The following PDZD2 variants were observed in gnomAD, a reference collection of about 807,000 sequenced individuals.
The protein encoded by PDZD2 is PDZ domain-containing protein 2.
Under a neutral mutation model 220.7 loss-of-function variants are expected in PDZD2, and 90 were observed. The observed-to-expected ratio is 0.41, with a 90% CI of 0.34 to 0.49. The LOEUF is 0.49. PDZD2 is among the 20% of genes least tolerant of loss of function. PDZD2 has a pLI of 0.28. For missense variants in PDZD2, 3,174 were observed against 3,608.5 expected (o/e 0.88, Z 3.08); for synonymous variants, 1,375 against 1,450.5 (o/e 0.95, Z 1.18).
At chr5:32,010,207 G>C (rs1753182581) in intron 5 of PDZD2, 123 bp from the exon 6 acceptor site, 1 of 663,132 alleles carries the variant, frequency 1.5e-6, no homozygotes, top group African/African-American at 1.8e-5. Flanking sequence ...TGCAGACACA[G>C]AACATTTACT....
At chr5:31,735,012 C>G (rs754876870) in intron 1 of PDZD2, among the ~76,000 whole-genome samples, 3 of 152,120 alleles carry the variant, frequency 2.0e-5, no homozygotes, top group Non-Finnish European at 4.4e-5. Context: ...GTTGCTATCC[C>G]TTGGCTTCAA....
At chr5:31,946,441 C>T (rs1309333925) in intron 2 of PDZD2, among the ~76,000 whole-genome samples, 1 of 152,144 alleles carries the variant, frequency 6.6e-6, no homozygotes, top group Non-Finnish European at 1.5e-5. Flanking sequence ...GGCCCTCCGG[C>T]GGGTCTGGGT....
intron 7 of PDZD2, among the ~76,000 whole-genome samples, chr5:32,041,575 A>C (rs1391637639): frequency 6.6e-6 from 1 of 152,134 alleles, no homozygotes; most frequent in Non-Finnish European, 1.5e-5. Context: ...GTGCTGTGTC[A>C]ACTCAGGGTT....
At chr5:32,065,203 A>G (rs1740109542) in intron 14 of PDZD2, among the ~76,000 whole-genome samples, 1 of 151,232 alleles carries the variant, frequency 6.6e-6, no homozygotes, top group Non-Finnish European at 1.5e-5. Flanking sequence ...AGTGCTGAGG[A>G]AGGAGAAATC....
intron 2 of PDZD2, among the ~76,000 whole-genome samples, chr5:31,956,758 CAAAAAAAAAAAAAA>C (rs70957986): frequency 2.7e-5 from 2 of 73,682 alleles, no homozygotes; most frequent in African/African-American, 5.7e-5. Flanking sequence ...GACTCCATCT[CAAAAAAAAAAAAAA>C]AAAAAAAAAA....
At chr5:31,765,379 C>T (rs1352854214) in intron 1 of PDZD2, among the ~76,000 whole-genome samples, 1 of 152,152 alleles carries the variant, frequency 6.6e-6, no homozygotes, top group Non-Finnish European at 1.5e-5. Context: ...AACTTGAAGC[C>T]CAAAAGCTAC....
intron 1 of PDZD2, among the ~76,000 whole-genome samples, chr5:31,652,151 G>GTTTA (rs1745378562): frequency 1.2e-5 from 1 of 85,158 alleles, no homozygotes; most frequent in African/African-American, 4.1e-5. Context: ...TTTGTTTTTT[G>GTTTA]TTTGTTTGTT....
intron 1 of PDZD2, among the ~76,000 whole-genome samples, chr5:31,645,108 A>C (rs1010507414): frequency 6.6e-6 from 1 of 152,144 alleles, no homozygotes; most frequent in East Asian, 1.9e-4. Context: ...AAAAATCACA[A>C]ATTCTTAAGG....
intron 2 of PDZD2, among the ~76,000 whole-genome samples, chr5:31,828,790 C>CAT (rs2150265626): frequency 6.6e-6 from 1 of 152,352 alleles, no homozygotes; most frequent in South Asian, 2.1e-4. Context: ...CATGAGCCAC[C>CAT]ATGCCCAGCT....
At chr5:31,857,367 G>A (rs961136462) in intron 2 of PDZD2, among the ~76,000 whole-genome samples, 2 of 152,074 alleles carry the variant, frequency 1.3e-5, no homozygotes, top group Non-Finnish European at 2.9e-5. Context: ...GTAGCATCCC[G>A]TGTGTTTTAG....
At chr5:31,762,635 G>A (rs1036226031) in intron 1 of PDZD2, among the ~76,000 whole-genome samples, 13 of 152,216 alleles carry the variant, frequency 8.5e-5, no homozygotes, top group Non-Finnish European at 1.5e-4. Context: ...TCCCTTCAGT[G>A]TGACTGTTTG....
intron 21 of PDZD2, among the ~76,000 whole-genome samples, chr5:32,096,829 ATTT>A (rs71831480): frequency 2.1e-5 from 2 of 96,828 alleles, no homozygotes; most frequent in Admixed American, 1.4e-4. Flanking sequence ...ATGTACTATG[ATTT>A]TTTTTTTTTT....
At chr5:31,941,303 T>G (rs985699545) in intron 2 of PDZD2, among the ~76,000 whole-genome samples, 25 of 152,208 alleles carry the variant, frequency 1.6e-4, no homozygotes, top group Non-Finnish European at 7.3e-5. Context: ...CACTTTGACT[T>G]CAGTTCCCAG....
At chr5:32,059,917 G>A (rs764780649) in intron 13 of PDZD2, among the ~76,000 whole-genome samples, 19 of 152,284 alleles carry the variant, frequency 1.2e-4, no homozygotes, top group Non-Finnish European at 2.1e-4. Flanking sequence ...TAACATGGGC[G>A]TTCTGTTTAC....
intron 6 of PDZD2, among the ~76,000 whole-genome samples, chr5:32,022,834 AC>A (rs1050529210): frequency 1.3e-5 from 2 of 152,132 alleles, no homozygotes; most frequent in African/African-American, 2.4e-5. Context: ...AAGGAAAGTG[AC>A]TCACTGATGG....
intron 1 of PDZD2, among the ~76,000 whole-genome samples, chr5:31,749,769 CT>C (rs1003108817): frequency 1.3e-5 from 2 of 152,202 alleles, no homozygotes; most frequent in African/African-American, 4.8e-5. Context: ...CTCAGCTGCA[CT>C]CCATTATGCT....
intron 1 of PDZD2, among the ~76,000 whole-genome samples, chr5:31,698,413 G>A (rs1291937859): frequency 6.9e-6 from 1 of 144,598 alleles, no homozygotes; most frequent in African/African-American, 2.6e-5. Flanking sequence ...GGTTAACACG[G>A]TGAAACCCCA....
Position 32,108,550 on chromosome 5 carries a change from C to T in PDZD2, c.*415C>T, listed in dbSNP as rs909893718. 1.3e-5 allele frequency: 2 copies of T among 153,334 alleles called. No individual in the cohort carries two copies. Among genetic ancestry groups the T allele is most frequent in the Non-Finnish European group, 2.9e-5 (2 of 69,144 alleles). The allele number at this position is 153,334 out of a possible 1,614,324, so 9.5% of individuals were successfully genotyped here. On this transcript the variant is annotated 3_prime_UTR_variant, in exon 25 of 25. Coordinates refer to ENST00000438447, the MANE Select transcript of PDZD2 (RefSeq NM_178140.4). Reference sequence around the variant, plus strand: ...TCTGAGGGGGACACAAATGTCACACCTAAGAGGACAATCAATCATTTTGTA... The same window carrying T: ...TCTGAGGGGGACACAAATGTCACACTTAAGAGGACAATCAATCATTTTGTA...
intron 2 of PDZD2, among the ~76,000 whole-genome samples, chr5:31,841,243 C>T (rs932782843): frequency 6.6e-6 from 1 of 152,094 alleles, no homozygotes; most frequent in Non-Finnish European, 1.5e-5. Context: ...ACACACACAT[C>T]TACAAGAATG....
Sources: allele counts gnomAD v4.1 joint callset (sites outside exome capture counted in the v4.1 genomes callset), GRCh38; gene constraint gnomAD v4.1.1; transcripts MANE v1.5; gene names NCBI Gene and HGNC (gene_info 2026-07-23, HGNC 2026-07-21).